The following CHCHD3 variants were observed in gnomAD, a reference collection of about 807,000 sequenced individuals.
CHCHD3 encodes the protein coiled-coil-helix-coiled-coil-helix domain containing 3, also known as MICOS complex subunit MIC19.
In CHCHD3, 20 loss-of-function variants were observed where a neutral mutation model predicts 38.2. The ratio of observed to expected loss-of-function variants is 0.52; its 90% CI spans 0.37 to 0.76. The LOEUF is 0.76. CHCHD3 is among the 30% of genes least tolerant of loss of function. The probability of loss-of-function intolerance (pLI) is 0.00; values close to 1 mark genes in which losing one functional copy is unlikely to be tolerated. For synonymous variants in CHCHD3, 82 were observed against 100.0 expected (o/e 0.82, Z 1.07); for missense variants, 245 against 279.2 (o/e 0.88, Z 0.87).
chr7:132,963,200 G>A (rs1417421673), intron 4 of CHCHD3, among the ~76,000 whole-genome samples: 2 of 149,118 alleles, frequency 1.3e-5, no homozygotes, highest in African/African-American at 4.9e-5. Context: ...GAATGATAAA[G>A]TGTGGTAAAT....
Position 132,829,058 on chromosome 7 carries a change from C to T in CHCHD3, c.524+9341G>A, listed in dbSNP as rs56384023. ...CAAGTTTCACTGTAGCTTAGTTGCA[C>T]TCAAAACGCAAAATATGTTTTCTTA... On this transcript the variant is annotated intron_variant, in intron 6 of 7. Transcript: ENST00000262570. Among the ~76,000 whole-genome samples the T allele has an allele frequency of 5.1e-3, 777 of 152,272 alleles. 3 individuals carry two copies. The highest frequency in any genetic ancestry group is 8.5e-3 in the Non-Finnish European group (578 of 68,006).
intron 4 of CHCHD3, chr7:132,974,160 C>CTA (rs1430784101): frequency 8.0e-6 from 4 of 501,254 alleles, no homozygotes; most frequent in Non-Finnish European, 1.2e-5. Context: ...TTAACACCAT[C>CTA]TATAGCATTA....
chr7:132,986,033 G>A (rs1055815854), intron 3 of CHCHD3, among the ~76,000 whole-genome samples: 7 of 150,868 alleles, frequency 4.6e-5, no homozygotes, highest in African/African-American at 1.7e-4. Flanking sequence ...GTAGACATGG[G>A]AGACTTTTCA....
chr7:132,785,747 CT>C, intron 7 of CHCHD3, 87 bp from the exon 8 acceptor site: 1 of 1,336,438 alleles, frequency 7.5e-7, no homozygotes, highest in Middle Eastern at 1.9e-4. Flanking sequence ...ATTTGTGTTG[CT>C]TTTCAAATAT....
At chr7:133,006,380 C>T (rs1194408653) in intron 3 of CHCHD3, among the ~76,000 whole-genome samples, 1 of 152,020 alleles carries the variant, frequency 6.6e-6, no homozygotes, top group Non-Finnish European at 1.5e-5. Flanking sequence ...GCACAAGAAT[C>T]CCTTGAACCT....
At position 132,812,000 on chromosome 7, in the gene CHCHD3, T is replaced by C. The variant is rs1233041941; in HGVS notation, c.525-15423A>G. ...CGTGGAAGGCATTACAGGTACCACA[T>C]GTTTAAAACTGAACTAATTCCCTCC... On this transcript the variant is annotated intron_variant, in intron 6 of 7. Transcript: ENST00000262570. Among the ~76,000 whole-genome samples the C allele has an allele frequency of 2.6e-5, 4 of 152,218 alleles. No homozygotes were observed. The East Asian group carries it at 5.8e-4, about 22-fold the overall frequency.
chr7:133,080,104 G>A (rs1297604984), intron 1 of CHCHD3, among the ~76,000 whole-genome samples: 2 of 152,136 alleles, frequency 1.3e-5, no homozygotes, highest in African/African-American at 2.4e-5. Flanking sequence ...GGAGACCAGC[G>A]CAAGGGCATT....
intron 5 of CHCHD3, among the ~76,000 whole-genome samples, chr7:132,842,871 T>C (rs1278357973): frequency 6.6e-6 from 1 of 152,184 alleles, no homozygotes; most frequent in African/African-American, 2.4e-5. Flanking sequence ...ACAACAAAGC[T>C]ACCATTTTTC....
At chr7:133,039,893 C>T (rs1010122719) in intron 2 of CHCHD3, among the ~76,000 whole-genome samples, 26 of 152,106 alleles carry the variant, frequency 1.7e-4, no homozygotes, top group Non-Finnish European at 3.2e-4. Flanking sequence ...AGAGTCATCC[C>T]CCATGACACA....
chr7:133,035,764 A>C lies in CHCHD3; in HGVS notation c.170-11137T>G. On this transcript the variant is annotated intron_variant, in intron 2 of 7. Coordinates refer to ENST00000262570, the MANE Select transcript of CHCHD3 (RefSeq NM_017812.4). This position sits in a 1 kb window ranked among gnomAD's most constrained non-coding sequence, Gnocchi z 4.7. ...AATGCTGGGACCTTGCCGGCAGGAA[A>C]TTTGCGAAGAAATTCAGAGGTGCGG... is the stretch of plus-strand genomic sequence containing the variant. 6.2e-7 allele frequency: 1 copy of C among 1,613,306 alleles called. No individual in the cohort carries two copies. Among genetic ancestry groups the C allele is most frequent in the Non-Finnish European group, 8.5e-7 (1 of 1,179,348 alleles).
chr7:132,797,077 T>G (rs923515886), intron 6 of CHCHD3, among the ~76,000 whole-genome samples: 2 of 152,184 alleles, frequency 1.3e-5, no homozygotes, highest in African/African-American at 4.8e-5. Context: ...CAGAGGGTTC[T>G]TTCCCATAGG....
intron 2 of CHCHD3, among the ~76,000 whole-genome samples, chr7:133,029,328 A>C (rs1813438291): frequency 6.6e-6 from 1 of 152,174 alleles, no homozygotes; most frequent in Non-Finnish European, 1.5e-5. Flanking sequence ...ATTTCAAGTA[A>C]AAAATATTAT....
intron 4 of CHCHD3, among the ~76,000 whole-genome samples, chr7:132,920,402 T>TGGCC (rs1810231731): frequency 6.6e-6 from 1 of 152,162 alleles, no homozygotes; most frequent in African/African-American, 2.4e-5. Flanking sequence ...CTAGAAAACC[T>TGGCC]GGCCTTCCTA....
intron 1 of CHCHD3, among the ~76,000 whole-genome samples, chr7:133,078,496 C>T (rs1367999814): frequency 4.6e-5 from 7 of 151,964 alleles, no homozygotes; most frequent in African/African-American, 1.7e-4. Context: ...CACAGGGAGA[C>T]TCCAACTCAA....
chr7:132,974,082 C>T, intron 4 of CHCHD3: 2 of 1,203,752 alleles, frequency 1.7e-6, no homozygotes, highest in South Asian at 1.4e-5. Flanking sequence ...AAAGGCAGAA[C>T]ATTATTCAGC....
At chr7:132,902,606 G>C (rs1487177477) in intron 4 of CHCHD3, among the ~76,000 whole-genome samples, 1 of 152,114 alleles carries the variant, frequency 6.6e-6, no homozygotes, top group African/African-American at 2.4e-5. Context: ...CTCATAGGTG[G>C]GAACTGAACA....
intron 4 of CHCHD3, among the ~76,000 whole-genome samples, chr7:132,952,385 C>T (rs553337383): frequency 9.8e-5 from 15 of 152,336 alleles, no homozygotes; most frequent in African/African-American, 3.6e-4. Context: ...AACTGCACAG[C>T]TCTTTCTTTT....
intron 3 of CHCHD3, among the ~76,000 whole-genome samples, chr7:132,995,575 C>T (rs534892033): frequency 6.6e-6 from 1 of 152,270 alleles, no homozygotes; most frequent in Admixed American, 6.5e-5. Context: ...AATGAAGTAA[C>T]CTGAAATTGA....
At chr7:132,898,191 A>C (rs921250335) in intron 4 of CHCHD3, among the ~76,000 whole-genome samples, 1 of 152,180 alleles carries the variant, frequency 6.6e-6, no homozygotes, top group African/African-American at 2.4e-5. Flanking sequence ...CAGAGAGCCA[A>C]AGAACAAAGC....
Sources: gnomAD v4.1 joint callset for allele counts (sites outside exome capture counted in the v4.1 genomes callset) on GRCh38, gnomAD v4.1.1 for gene constraint, Gnocchi (gnomAD v3.1) non-coding constraint, MANE v1.5 for transcripts, NCBI Gene and HGNC (gene_info 2026-07-23, HGNC 2026-07-21) for gene names.